CPNE8: variants seen among roughly 807,000 people sequenced by gnomAD.
CPNE8 encodes the protein copine 8, also known as copine-8.
CPNE8 carries 45 observed loss-of-function variants against 81.5 expected under a neutral mutation model. The ratio of observed to expected loss-of-function variants is 0.55; its 90% CI spans 0.44 to 0.71. The LOEUF is 0.71. Ranked by LOEUF, CPNE8 falls within the 30% of genes least tolerant of loss-of-function variation. The pLI is 0.00. For synonymous variants in CPNE8, 252 were observed against 226.3 expected, an observed-to-expected ratio of 1.11 and a Z score of -1.02; for missense variants, 594 against 672.1, an observed-to-expected ratio of 0.88 and a Z score of 1.28.
chr12:38,713,589 T>A (rs904439110), intron 13 of CPNE8, among the ~76,000 whole-genome samples: 1 of 152,168 alleles, frequency 6.6e-6, no homozygotes, highest in Admixed American at 6.5e-5. Context: ...GTTCTATTTG[T>A]TCATTAGGTT....
chr12:38,776,691 A>C (rs1941945960), intron 6 of CPNE8, among the ~76,000 whole-genome samples: 1 of 152,112 alleles, frequency 6.6e-6, no homozygotes, highest in South Asian at 2.1e-4. Context: ...ATATTGTCTA[A>C]TATATAATAA....
At chr12:38,863,966 A>G (rs7314227) in intron 3 of CPNE8, among the ~76,000 whole-genome samples, 57,380 of 151,396 alleles carry the variant, frequency 0.38, 13,027 homozygotes, top group Non-Finnish European at 0.51. Flanking sequence ...AGGCAGGAGA[A>G]TGGTGTGAAT....
At chr12:38,884,605 C>G (rs548319554) in intron 1 of CPNE8, among the ~76,000 whole-genome samples, 11 of 152,118 alleles carry the variant, frequency 7.2e-5, no homozygotes, top group Admixed American at 3.9e-4. Flanking sequence ...GAAAAAACTG[C>G]CAAACTATTT....
At chr12:38,757,942 T>G (rs1427342457) in intron 10 of CPNE8, among the ~76,000 whole-genome samples, 1 of 152,088 alleles carries the variant, frequency 6.6e-6, no homozygotes, top group Admixed American at 6.5e-5. Context: ...TATAGTAAGA[T>G]GAGTATTTAA....
intron 19 of CPNE8, among the ~76,000 whole-genome samples, chr12:38,658,158 G>T (rs1388380704): frequency 6.6e-6 from 1 of 152,100 alleles, no homozygotes. Flanking sequence ...TTGAAAAAAG[G>T]TTAGACGAAT....
At chr12:38,782,487 C>T (rs979613864) in intron 6 of CPNE8, among the ~76,000 whole-genome samples, 1 of 152,076 alleles carries the variant, frequency 6.6e-6, no homozygotes, top group Admixed American at 6.6e-5. Context: ...AAGAAATTCA[C>T]TCTCAAGTAT....
upstream of CPNE8, chr12:38,906,429 T>G: frequency 1.0e-6 from 1 of 985,242 alleles, no homozygotes; most frequent in Non-Finnish European, 1.2e-6. Flanking sequence ...AGCTTAGAGG[T>G]CTAACGGCGA....
At chr12:38,668,947 G>A (rs867583246) in intron 19 of CPNE8, among the ~76,000 whole-genome samples, 1 of 151,900 alleles carries the variant, frequency 6.6e-6, no homozygotes, top group Non-Finnish European at 1.5e-5. Context: ...CCAGCTACTC[G>A]AGAGGCTGAG....
chr12:38,794,644 C>G (rs1030251472), intron 6 of CPNE8, among the ~76,000 whole-genome samples: 1 of 145,468 alleles, frequency 6.9e-6, no homozygotes, highest in Non-Finnish European at 1.5e-5. Context: ...TAAAAAAAAA[C>G]TACTATAAAA....
At chr12:38,681,151 C>A (rs576444989) in intron 16 of CPNE8, among the ~76,000 whole-genome samples, 7 of 151,732 alleles carry the variant, frequency 4.6e-5, no homozygotes, top group Admixed American at 4.6e-4. Flanking sequence ...GTATAATATA[C>A]CAACAAATTA....
chr12:38,797,821 T>C (rs1321268443), intron 6 of CPNE8, among the ~76,000 whole-genome samples: 1 of 152,056 alleles, frequency 6.6e-6, no homozygotes, highest in Non-Finnish European at 1.5e-5. Flanking sequence ...GACGAATGTA[T>C]AACTAGAATA....
At chr12:38,693,625 CA>C in intron 15 of CPNE8, 31 bp downstream of exon 15, 1 of 1,571,754 alleles carries the variant, frequency 6.4e-7, no homozygotes, top group Non-Finnish European at 8.6e-7. Flanking sequence ...ATTAATTTTT[CA>C]AAACATCAAA....
chr12:38,746,874 GTTT>G (rs1455920292), intron 10 of CPNE8, among the ~76,000 whole-genome samples: 1 of 152,162 alleles, frequency 6.6e-6, no homozygotes, highest in Non-Finnish European at 1.5e-5. Context: ...GACTTAGATG[GTTT>G]TTGTCTCCCG....
At chr12:38,807,237 A>T (rs1191665423) in intron 6 of CPNE8, among the ~76,000 whole-genome samples, 1 of 149,224 alleles carries the variant, frequency 6.7e-6, no homozygotes, top group African/African-American at 2.4e-5. Flanking sequence ...TCTTCACAGA[A>T]TTGGAAAAAA....
intron 6 of CPNE8, among the ~76,000 whole-genome samples, chr12:38,813,629 G>C (rs1398733900): frequency 6.6e-6 from 1 of 152,132 alleles, no homozygotes; most frequent in Non-Finnish European, 1.5e-5. Flanking sequence ...TTAAAATCAG[G>C]GACATGTAAT....
At chr12:38,858,850 T>C (rs1038963001) in intron 3 of CPNE8, among the ~76,000 whole-genome samples, 1 of 152,014 alleles carries the variant, frequency 6.6e-6, no homozygotes, top group Non-Finnish European at 1.5e-5. Flanking sequence ...TAAAACAGAT[T>C]AAAAGATAAA....
Position 38,741,214 on chromosome 12 carries a change from G to T in CPNE8, c.723-10856C>A, listed in dbSNP as rs573605474. Among the ~76,000 whole-genome samples the T allele has an allele frequency of 2.0e-5, 3 of 152,200 alleles. No individual in the cohort carries two copies. The East Asian group carries it at 5.8e-4, about 29-fold the overall frequency. ...TTCATATGGAACCAAAAAAGAGCCCGCATTCCCAAGTCAATCCTAAGCCAA... is the reference window on the plus strand; with the variant it reads ...TTCATATGGAACCAAAAAAGAGCCCTCATTCCCAAGTCAATCCTAAGCCAA... On this transcript the variant is annotated intron_variant, in intron 10 of 19. Transcript: ENST00000331366.
At chr12:38,857,713 C>A (rs1034953995) in intron 3 of CPNE8, among the ~76,000 whole-genome samples, 4 of 152,088 alleles carry the variant, frequency 2.6e-5, no homozygotes, top group Non-Finnish European at 5.9e-5. Context: ...GAGTTCAAGA[C>A]CAGCCTGGCC....
chr12:38,811,818 G>A (rs1393254844), intron 6 of CPNE8, among the ~76,000 whole-genome samples: 3 of 152,220 alleles, frequency 2.0e-5, no homozygotes, highest in Non-Finnish European at 4.4e-5. Flanking sequence ...GCTGCAGTGA[G>A]CTATGATTGT....
Sources: gnomAD v4.1 joint callset for allele counts (sites outside exome capture counted in the v4.1 genomes callset) on GRCh38, gnomAD v4.1.1 for gene constraint, MANE v1.5 for transcripts, NCBI Gene and HGNC (gene_info 2026-07-23, HGNC 2026-07-21) for gene names.